Variants in CSMD3 observed in about 807,000 individuals in gnomAD.
CSMD3 encodes the protein CUB and Sushi multiple domains 3, also known as CUB and sushi domain-containing protein 3.
CSMD3 carries 177 observed loss-of-function variants against 435.2 expected under a neutral mutation model. The observed-to-expected ratio is 0.41, with a 90% CI of 0.36 to 0.46. The LOEUF (loss-of-function observed/expected upper bound fraction) is 0.46. Among genes scored for constraint, CSMD3 ranks in the 20% least tolerant of loss-of-function variants. The pLI is 0.34. For missense variants in CSMD3, 4,265 were observed against 4,504.6 expected, an observed-to-expected ratio of 0.95 and a Z score of 1.52; for synonymous variants, 1,656 against 1,520.5, an observed-to-expected ratio of 1.09 and a Z score of -2.07.
intron 3 of CSMD3, among the ~76,000 whole-genome samples, chr8:113,248,078 G>T (rs1588364394): frequency 6.6e-6 from 1 of 152,018 alleles, no homozygotes; most frequent in Non-Finnish European, 1.5e-5. Context: ...AGAACAAAAT[G>T]TCAGGAATCA....
At chr8:113,246,989 C>A (rs1190717416) in intron 3 of CSMD3, among the ~76,000 whole-genome samples, 1 of 152,112 alleles carries the variant, frequency 6.6e-6, no homozygotes, top group Non-Finnish European at 1.5e-5. Context: ...TGGTGGAGGA[C>A]CAGAAGTAGT....
intron 1 of CSMD3, among the ~76,000 whole-genome samples, chr8:113,417,055 A>G (rs1293611277): frequency 6.6e-6 from 1 of 152,050 alleles, no homozygotes; most frequent in Non-Finnish European, 1.5e-5. Context: ...TAATTATTGG[A>G]TGCCTAGAGA....
intron 2 of CSMD3, among the ~76,000 whole-genome samples, chr8:113,281,630 A>T (rs1469033732): frequency 6.6e-6 from 1 of 151,920 alleles, no homozygotes; most frequent in African/African-American, 2.4e-5. Flanking sequence ...TGTATCTTTT[A>T]AGTGGAGCAT....
chr8:113,006,015 G>A (rs906086900), intron 6 of CSMD3, among the ~76,000 whole-genome samples: 5 of 152,010 alleles, frequency 3.3e-5, no homozygotes, highest in East Asian at 1.9e-4. Context: ...TGTCTCACAA[G>A]GCAAGCTAAA....
chr8:113,286,715 A>C (rs956325052), intron 2 of CSMD3, among the ~76,000 whole-genome samples: 1 of 152,022 alleles, frequency 6.6e-6, no homozygotes, highest in Non-Finnish European at 1.5e-5. Flanking sequence ...GTAAAAAAAA[A>C]AGACTCTATT....
At chr8:112,646,347 A>C (rs2074978971) in intron 19 of CSMD3, among the ~76,000 whole-genome samples, 1 of 152,264 alleles carries the variant, frequency 6.6e-6, no homozygotes, top group East Asian at 1.9e-4. Context: ...TGTGCTCCTG[A>C]GCATGCACAT....
intron 1 of CSMD3, among the ~76,000 whole-genome samples, chr8:113,383,480 C>T (rs1276883633): frequency 6.6e-6 from 1 of 152,018 alleles, no homozygotes; most frequent in Non-Finnish European, 1.5e-5. Flanking sequence ...GTTGAGGAGC[C>T]TGGTTGAGTG....
chr8:113,421,732 T>C (rs566608702), intron 1 of CSMD3, among the ~76,000 whole-genome samples: 1 of 152,146 alleles, frequency 6.6e-6, no homozygotes, highest in Non-Finnish European at 1.5e-5. Flanking sequence ...GGAAGGACTT[T>C]TTCTGGAATT....
intron 27 of CSMD3, among the ~76,000 whole-genome samples, chr8:112,526,169 C>G (rs1362488833): frequency 6.6e-6 from 1 of 151,624 alleles, no homozygotes; most frequent in South Asian, 2.1e-4. Context: ...ACTGTACTAA[C>G]TGAATATTTT....
intron 32 of CSMD3, among the ~76,000 whole-genome samples, chr8:112,430,896 A>ATG (rs61496543): frequency 0.48 from 70,910 of 148,502 alleles, 16,885 homozygotes; most frequent in African/African-American, 0.57. Context: ...TTGTGTGTAT[A>ATG]TGTGTGTGTG....
intron 11 of CSMD3, among the ~76,000 whole-genome samples, chr8:112,848,341 G>A (rs1587468384): frequency 1.3e-5 from 2 of 151,948 alleles, no homozygotes; most frequent in African/African-American, 4.8e-5. Context: ...GCTATTCATT[G>A]TGCACTCATC....
At chr8:112,929,444 G>C (rs1199001995) in intron 9 of CSMD3, among the ~76,000 whole-genome samples, 1 of 151,972 alleles carries the variant, frequency 6.6e-6, no homozygotes, top group African/African-American at 2.4e-5. Context: ...AAATGTGAGA[G>C]CTGAAGATTT....
intron 13 of CSMD3, among the ~76,000 whole-genome samples, chr8:112,726,735 A>C (rs921189101): frequency 5.9e-5 from 9 of 152,002 alleles, no homozygotes; most frequent in Non-Finnish European, 1.3e-4. Flanking sequence ...AAGTTATAAC[A>C]ACAACGTAAT....
intron 61 of CSMD3, among the ~76,000 whole-genome samples, chr8:112,259,693 A>G (rs1816196808): frequency 6.6e-6 from 1 of 152,232 alleles, no homozygotes; most frequent in Non-Finnish European, 1.5e-5. Flanking sequence ...AATTTTCACT[A>G]TCTCTTGGAT....
rs1328215724 is a variant in CSMD3, at chr8:112,906,304, A to G, written c.1633+15323T>C. ...ATGGGAGTTCACAAGGCTGCAACAGAATGACTACTGTTTACATCATTAGAA... is the reference window on the plus strand; with the variant it reads ...ATGGGAGTTCACAAGGCTGCAACAGGATGACTACTGTTTACATCATTAGAA... On this transcript the variant is annotated intron_variant, in intron 10 of 70. Coordinates refer to ENST00000297405, the MANE Select transcript of CSMD3 (RefSeq NM_198123.2). 1.1e-4 allele frequency among the ~76,000 whole-genome samples: 16 copies of G among 151,228 alleles called. 1 individual carries two copies. The Admixed American group carries it at 1.1e-3, about 10-fold the overall frequency.
chr8:113,359,557 A>T (rs2094257283), intron 1 of CSMD3, among the ~76,000 whole-genome samples: 1 of 152,192 alleles, frequency 6.6e-6, no homozygotes, highest in Admixed American at 6.5e-5. Flanking sequence ...CAAGATTGGC[A>T]ATCTAGAAAG....
At chr8:112,561,160 G>A (rs1196033128) in intron 24 of CSMD3, among the ~76,000 whole-genome samples, 1 of 151,598 alleles carries the variant, frequency 6.6e-6, no homozygotes, top group African/African-American at 2.4e-5. Context: ...TAAATATGCA[G>A]AAATGTCTTA....
chr8:112,358,109 T>C (rs1005405245), intron 38 of CSMD3, among the ~76,000 whole-genome samples: 3 of 152,150 alleles, frequency 2.0e-5, no homozygotes, highest in Admixed American at 2.0e-4. Context: ...ATGTGAGACA[T>C]GGAGTCAAAG....
At chr8:113,151,095 A>T (rs766372858) in intron 4 of CSMD3, among the ~76,000 whole-genome samples, 5 of 151,984 alleles carry the variant, frequency 3.3e-5, no homozygotes, top group Non-Finnish European at 7.4e-5. Context: ...GGATCTTAGT[A>T]AAGTAAGTCA....
Sources: allele counts gnomAD v4.1 joint callset (sites outside exome capture counted in the v4.1 genomes callset), GRCh38; gene constraint gnomAD v4.1.1; transcripts MANE v1.5; gene names NCBI Gene and HGNC (gene_info 2026-07-23, HGNC 2026-07-21).